SNX29: variants seen among roughly 807,000 people sequenced by gnomAD.
The protein encoded by SNX29 is sorting nexin-29.
Under a neutral mutation model 102.1 loss-of-function variants are expected in SNX29, and 78 were observed. The ratio of observed to expected loss-of-function variants is 0.76; its 90% confidence interval spans 0.64 to 0.92. The LOEUF (loss-of-function observed/expected upper bound fraction) is 0.92, where lower values mean the gene tolerates loss of function less well. Ranked by LOEUF, SNX29 falls within the 40% of genes least tolerant of loss-of-function variation. SNX29 has a pLI of 0.00. For synonymous variants in SNX29, 580 were observed against 414.5 expected, an observed-to-expected ratio of 1.40 and a Z score of -4.85; for missense variants, 1,280 against 1,061.7, an observed-to-expected ratio of 1.21 and a Z score of -2.86.
chr16:12,498,845 C>G (rs3888805), intron 19 of SNX29, among the ~76,000 whole-genome samples: 10 of 152,148 alleles, frequency 6.6e-5, no homozygotes, highest in Admixed American at 5.9e-4. Context: ...TTGCTCAGTT[C>G]TGCTTGAAAG....
intron 15 of SNX29, among the ~76,000 whole-genome samples, chr16:12,324,523 T>C (rs567123454): frequency 3.7e-4 from 56 of 152,256 alleles, no homozygotes; most frequent in Non-Finnish European, 7.2e-4. Context: ...ATCCTCTGCC[T>C]CAGCCTCCCA....
chr16:12,041,473 A>G (rs983530889), intron 4 of SNX29, among the ~76,000 whole-genome samples: 2 of 152,190 alleles, frequency 1.3e-5, no homozygotes. Context: ...GCTTTTAAAC[A>G]CTATAATTTA....
At chr16:12,510,336 A>C (rs983981870) in intron 19 of SNX29, among the ~76,000 whole-genome samples, 10 of 152,174 alleles carry the variant, frequency 6.6e-5, no homozygotes, top group African/African-American at 2.4e-4. Context: ...CCCTGGCAGC[A>C]GATGAGAGAG....
At chr16:12,342,207 A>G (rs1420223361) in intron 15 of SNX29, among the ~76,000 whole-genome samples, 1 of 152,210 alleles carries the variant, frequency 6.6e-6, no homozygotes, top group Non-Finnish European at 1.5e-5. Flanking sequence ...AGTCACCCAG[A>G]GAAAAAGTTT....
rs182071659 is a variant in SNX29, at chr16:12,364,466, T to C, written c.1899+8187T>C. 9.2e-4 allele frequency among the ~76,000 whole-genome samples: 140 copies of C among 152,074 alleles called. 1 individual carries two copies. The highest frequency in any genetic ancestry group is 3.3e-3 in the African/African-American group (135 of 41,444). On this transcript the variant is annotated intron_variant, in intron 16 of 20. Coordinates refer to ENST00000566228, the MANE Select transcript of SNX29 (RefSeq NM_032167.5). ...ATTTTTAGGACTCTTATTATGTTTT[T>C]CCCCTTTGGTATAAGATGTGAATGA...
intron 15 of SNX29, among the ~76,000 whole-genome samples, chr16:12,332,599 C>T (rs2081324158): frequency 6.6e-6 from 1 of 152,100 alleles, no homozygotes; most frequent in Non-Finnish European, 1.5e-5. Flanking sequence ...TGTGAGCTCC[C>T]CCGAGGTCCA....
intron 3 of SNX29, among the ~76,000 whole-genome samples, chr16:12,010,897 C>T (rs368661223): frequency 9.3e-4 from 141 of 152,206 alleles, no homozygotes; most frequent in East Asian, 3.1e-3. Context: ...AGAGGACTTA[C>T]GAAACGGAAT....
chr16:12,125,110 C>G (rs1438152621), intron 11 of SNX29, among the ~76,000 whole-genome samples: 1 of 152,168 alleles, frequency 6.6e-6, no homozygotes, highest in African/African-American at 2.4e-5. Context: ...TAATATTTAC[C>G]TGATCTGTGG....
intron 11 of SNX29, among the ~76,000 whole-genome samples, chr16:12,101,319 C>CTTTTTTTT (rs2053005416): frequency 3.4e-5 from 1 of 29,082 alleles, no homozygotes. Flanking sequence ...TTTTTTTTGC[C>CTTTTTTTT]TTGCAGAACC....
intron 15 of SNX29, 87 bp from the exon 16 acceptor site, chr16:12,356,076 T>A: frequency 8.2e-7 from 1 of 1,222,616 alleles, no homozygotes; most frequent in Non-Finnish European, 1.2e-6. Context: ...TGCTGACAGG[T>A]GTCAGGAAGG....
At chr16:12,082,067 G>A (rs1239773170) in intron 11 of SNX29, among the ~76,000 whole-genome samples, 1 of 152,204 alleles carries the variant, frequency 6.6e-6, no homozygotes, top group Non-Finnish European at 1.5e-5. Context: ...GTGACTTGCT[G>A]GGATCTAACG....
chr16:12,532,437 C>G (rs2076957483), intron 20 of SNX29, among the ~76,000 whole-genome samples: 1 of 152,138 alleles, frequency 6.6e-6, no homozygotes, highest in African/African-American at 2.4e-5. Flanking sequence ...TTTTGTAAAT[C>G]CTACTAAGCT....
chr16:12,444,242 A>C (rs59084495), intron 18 of SNX29, among the ~76,000 whole-genome samples: 3 of 55,522 alleles, frequency 5.4e-5, no homozygotes, highest in African/African-American at 1.6e-4. Flanking sequence ...TAAGCACTCA[A>C]TATAGCACCG....
At chr16:12,262,929 T>C (rs1348317266) in intron 14 of SNX29, among the ~76,000 whole-genome samples, 1 of 152,202 alleles carries the variant, frequency 6.6e-6, no homozygotes, top group East Asian at 1.9e-4. Context: ...CCTTGGCAAC[T>C]ATGAAACTAC....
chr16:12,304,695 C>A (rs2080285340), intron 15 of SNX29, among the ~76,000 whole-genome samples: 1 of 152,196 alleles, frequency 6.6e-6, no homozygotes, highest in African/African-American at 2.4e-5. Context: ...ACCTGGCCAG[C>A]TTCACTTATT....
At chr16:12,186,438 C>A (rs1359052155) in intron 13 of SNX29, among the ~76,000 whole-genome samples, 1 of 152,074 alleles carries the variant, frequency 6.6e-6, no homozygotes, top group Non-Finnish European at 1.5e-5. Flanking sequence ...TGACCATTTG[C>A]CCCTAAATAC....
intron 20 of SNX29, among the ~76,000 whole-genome samples, chr16:12,539,805 G>C (rs949435682): frequency 2.0e-5 from 3 of 152,330 alleles, no homozygotes; most frequent in Non-Finnish European, 4.4e-5. Flanking sequence ...ATATTTTCAT[G>C]TGGATGTTTT....
chr16:12,557,931 T>C (rs1304475786), intron 20 of SNX29, among the ~76,000 whole-genome samples: 2 of 152,172 alleles, frequency 1.3e-5, no homozygotes, highest in East Asian at 3.9e-4. Context: ...GGCAGGCTGC[T>C]ATTTTCATTC....
At chr16:12,179,222 A>G (rs1231765845) in intron 13 of SNX29, among the ~76,000 whole-genome samples, 1 of 152,248 alleles carries the variant, frequency 6.6e-6, no homozygotes, top group Non-Finnish European at 1.5e-5. Flanking sequence ...ACAGTTGCTC[A>G]CACCTGTACT....
Sources: allele counts gnomAD v4.1 joint callset (sites outside exome capture counted in the v4.1 genomes callset), GRCh38; gene constraint gnomAD v4.1.1; transcripts MANE v1.5; gene names NCBI Gene and HGNC (gene_info 2026-07-23, HGNC 2026-07-21).